The following ITGA6 variants were observed in gnomAD, a reference collection of about 807,000 sequenced individuals.
ITGA6 encodes the protein integrin alpha-6.
Under a neutral mutation model 133.6 loss-of-function variants are expected in ITGA6, and 63 were observed. The observed-to-expected ratio is 0.47, with a 90% CI of 0.38 to 0.58. The LOEUF (loss-of-function observed/expected upper bound fraction) is 0.58. Ranked by LOEUF, ITGA6 falls within the 20% of genes least tolerant of loss-of-function variation. The pLI is 0.00. For synonymous variants in ITGA6, 434 were observed against 482.0 expected, an observed-to-expected ratio of 0.90 and a Z score of 1.30; for missense variants, 1,068 against 1,309.4, an observed-to-expected ratio of 0.82 and a Z score of 2.85.
chr2:172,485,122 A>G lies in ITGA6; in HGVS notation c.1712A>G (p.Asp571Gly). The G allele has an allele frequency of 1.2e-6, 2 of 1,614,000 alleles. No homozygotes were observed. Residue 571 changes from aspartate (D) to glycine (G), a missense_variant and splice_region_variant, in exon 13 of 26, where the codon GAT (aspartate) becomes GGT (glycine). Physicochemically the swap from Asp to Gly is moderately conservative, Grantham distance 94. This residue lies in a region of ITGA6 where 609 missense variants were observed against 707.2 expected (regional missense o/e 0.86). Transcript: ENST00000684293. ...TCTGACTGCATGCTTTTCATGCAGG[A>G]TAATATCAGAGATAAACTGCGTCCC... ...VCMEETLWLQ[D>G]NIRDKLRPIP...
chr2:172,442,142 G>A (rs567566868), intron 1 of ITGA6, among the ~76,000 whole-genome samples: 6 of 152,054 alleles, frequency 3.9e-5, no homozygotes, highest in Admixed American at 1.3e-4. Flanking sequence ...CAACCCCTGC[G>A]TCATGTTTCT....
At chr2:172,457,040 T>G (rs910195392) in intron 1 of ITGA6, among the ~76,000 whole-genome samples, 1 of 152,168 alleles carries the variant, frequency 6.6e-6, no homozygotes, top group African/African-American at 2.4e-5. Context: ...ACACCTATAA[T>G]CCTAACACTT....
chr2:172,482,734 T>C lies in ITGA6; in HGVS notation c.1550-2048T>C, dbSNP rs1417199506. On this transcript the variant is annotated intron_variant, in intron 11 of 25. Coordinates refer to ENST00000684293, the MANE Select transcript of ITGA6 (RefSeq NM_000210.4). ...ATGTCAAGGCTGCAGAGGCCTAAAA[T>C]GGGGGAGCATTCCATTTGGCAGCTG... Among the ~76,000 whole-genome samples the C allele has an allele frequency of 2.6e-5, 4 of 152,132 alleles. No individual in the cohort carries two copies. The East Asian group carries it at 7.7e-4, about 29-fold the overall frequency.
intron 1 of ITGA6, among the ~76,000 whole-genome samples, chr2:172,463,417 T>G (rs1270222972): frequency 1.3e-5 from 2 of 152,198 alleles, no homozygotes; most frequent in Admixed American, 1.3e-4. Context: ...ATGCTTTTCT[T>G]CCTTCCCCTC....
At chr2:172,486,447 C>T (rs16860541) in intron 13 of ITGA6, among the ~76,000 whole-genome samples, 2,308 of 152,088 alleles carry the variant, frequency 0.015, 49 homozygotes, top group African/African-American at 0.052. Flanking sequence ...TTCTATTTAT[C>T]GGTGTGATTA....
At chr2:172,476,228 T>A (rs1686168341) in intron 8 of ITGA6, among the ~76,000 whole-genome samples, 167 bp from the exon 9 acceptor site, 1 of 152,038 alleles carries the variant, frequency 6.6e-6, no homozygotes, top group Admixed American at 6.5e-5. Context: ...ATGAAATGTA[T>A]GAAGTGTTAG....
intron 1 of ITGA6, among the ~76,000 whole-genome samples, chr2:172,435,065 G>A (rs1281999157): frequency 1.5e-5 from 2 of 133,070 alleles, no homozygotes; most frequent in African/African-American, 6.2e-5. Flanking sequence ...TGTGTATGAT[G>A]CAAATGATAA....
At chr2:172,451,462 TA>T (rs57101233) in intron 1 of ITGA6, among the ~76,000 whole-genome samples, 14,991 of 135,262 alleles carry the variant, frequency 0.11, 934 homozygotes, top group East Asian at 0.28. Context: ...GAGACTATCT[TA>T]AAAAAAAAAA....
rs771686691 is a variant in ITGA6, at chr2:172,487,423, T to C, written c.2130T>C (p.Tyr710=). The change falls in exon 15 of 26, where the codon TAT becomes TAC. Residue 710 remains tyrosine (Y), a synonymous_variant. Coordinates refer to ENST00000684293, the MANE Select transcript of ITGA6 (RefSeq NM_000210.4). ...CAACGTTTCCAGACACTTTAACCTATTCTGCATATAGAGAACTGAGGGCTT... is the reference window on the plus strand; with the variant it reads ...CAACGTTTCCAGACACTTTAACCTACTCTGCATATAGAGAACTGAGGGCTT... ...LIATFPDTLT[Y]SAYRELRAFP... is the part of the protein sequence containing the mutation. 7 of 1,614,068 alleles carry C rather than the reference T, an allele frequency of 4.3e-6. No homozygotes were observed. The Admixed American group carries it at 1.2e-4, about 27-fold the overall frequency.
chr2:172,468,862 A>T (rs1685794960), intron 3 of ITGA6: 2 of 431,620 alleles, frequency 4.6e-6, no homozygotes. Context: ...TTGCCTATGG[A>T]TACAGATTGT....
intron 1 of ITGA6, among the ~76,000 whole-genome samples, chr2:172,442,264 C>T (rs755473436): frequency 6.6e-6 from 1 of 152,156 alleles, no homozygotes; most frequent in African/African-American, 2.4e-5. Flanking sequence ...GAACCCAGCT[C>T]CTCCCGGTAG....
At position 172,491,307 on chromosome 2, in the gene ITGA6, G is replaced by A; in HGVS notation, c.2865G>A (p.Arg955=). 1 of 1,611,152 alleles carries A rather than the reference G, an allele frequency of 6.2e-7. No homozygotes were observed. The highest frequency in any genetic ancestry group is 8.5e-7 in the Non-Finnish European group (1 of 1,177,244). ...DSKASLILRS[R]LWNSTFLEEY... ...AGGCGTCTCTTATTTTGCGCTCGAGGTTATGGAACAGCACATTTCTAGAGG... is the reference window on the plus strand; with the variant it reads ...AGGCGTCTCTTATTTTGCGCTCGAGATTATGGAACAGCACATTTCTAGAGG... The change falls in exon 22 of 26, where the codon AGG becomes AGA. Residue 955 remains arginine (R), a synonymous_variant. Transcript: ENST00000684293. The surrounding 1 kb of genome is among the most constrained non-coding windows in gnomAD (Gnocchi z 4.4).
chr2:172,489,837 T>C, intron 20 of ITGA6, 179 bp downstream of exon 20: 1 of 614,882 alleles, frequency 1.6e-6, no homozygotes, highest in South Asian at 1.9e-5. Context: ...GCATTTTTGC[T>C]GGTTAATGAC....
At chr2:172,502,237 T>C (rs375563200) in intron 25 of ITGA6, among the ~76,000 whole-genome samples, 1 of 152,206 alleles carries the variant, frequency 6.6e-6, no homozygotes, top group African/African-American at 2.4e-5. Flanking sequence ...TAATTCGGTA[T>C]GTAGCATTCC....
rs866744820 is a variant in ITGA6 at position 172,450,614 on chromosome 2, C to T, written c.183-14925C>T. Among the ~76,000 whole-genome samples, 22 of 152,034 alleles carry T rather than the reference C, an allele frequency of 1.4e-4. No individual in the cohort carries two copies. The South Asian group carries it at 3.3e-3, about 23-fold the overall frequency. On this transcript the variant is annotated intron_variant, in intron 1 of 25. Transcript: ENST00000684293. ...GCAAGTGAAGAATCAATGATGACTT[C>T]TAGGTTTCTGGCCTGAGCACCTGGG...
At chr2:172,458,421 T>C (rs550392339) in intron 1 of ITGA6, among the ~76,000 whole-genome samples, 9 of 152,092 alleles carry the variant, frequency 5.9e-5, no homozygotes, top group African/African-American at 2.2e-4. Flanking sequence ...GAAGTCTTTA[T>C]AGAAGTAGAT....
chr2:172,439,526 A>G lies in ITGA6; in HGVS notation c.182+11556A>G, dbSNP rs76756570. ...GTGTGCTGCAAATCAGATATGAAAC[A>G]TCTTCCTGAGGTGGCATGGTGGTGG... On this transcript the variant is annotated intron_variant, in intron 1 of 25. Coordinates refer to ENST00000684293, the MANE Select transcript of ITGA6 (RefSeq NM_000210.4). 9.8e-3 allele frequency among the ~76,000 whole-genome samples: 1,482 copies of G among 151,996 alleles called. 24 individuals carry two copies. Among genetic ancestry groups the G allele is most frequent in the Middle Eastern group, 0.034 (10 of 294 alleles).
chr2:172,488,215 A>T lies in ITGA6; in HGVS notation c.2492A>T (p.Glu831Val). ...GAAGATGAAGTGGGAAGTTTAATAG[A>T]GTATGAATTCAGGGTAAGTTGGAGC... Reference protein sequence around the residue: ...KSEDEVGSLIEYEFRVINLGK... With the variant: ...KSEDEVGSLIVYEFRVINLGK... The change falls in exon 19 of 26, where the codon GAG becomes GTG. Residue 831 changes from glutamate to valine, a missense_variant. Physicochemically the swap from Glu to Val is moderately radical, Grantham distance 121. This residue lies in a region of ITGA6 where 609 missense variants were observed against 707.2 expected (regional missense o/e 0.86). Transcript: ENST00000684293. 2 of 1,612,112 alleles carry T rather than the reference A, an allele frequency of 1.2e-6. No homozygotes were observed. The highest frequency in any genetic ancestry group is 1.7e-6 in the Non-Finnish European group (2 of 1,178,208).
chr2:172,432,630 G>A (rs1182170664), intron 1 of ITGA6, among the ~76,000 whole-genome samples: 5 of 152,236 alleles, frequency 3.3e-5, no homozygotes, highest in Non-Finnish European at 7.3e-5. Flanking sequence ...CGCACAAGAC[G>A]TTAATTCTTG....
Sources: allele counts gnomAD v4.1 joint callset (sites outside exome capture counted in the v4.1 genomes callset), GRCh38; gene constraint gnomAD v4.1.1; regional missense constraint gnomAD v4.1.1; non-coding constraint Gnocchi (gnomAD v3.1); transcripts MANE v1.5; gene names NCBI Gene and HGNC (gene_info 2026-07-23, HGNC 2026-07-21).